Variants in PCDHGA3 observed in about 807,000 individuals in gnomAD.
PCDHGA3 encodes protocadherin gamma-A3.
A neutral mutation model predicts 58.5 loss-of-function variants in PCDHGA3; 40 were observed. The ratio of observed to expected loss-of-function variants is 0.68; its 90% CI spans 0.53 to 0.89. The LOEUF is 0.89. PCDHGA3 is among the 40% of genes least tolerant of loss of function. The pLI is 0.00. For missense variants in PCDHGA3, 1,223 were observed against 1,195.9 expected (o/e 1.02, Z -0.33); for synonymous variants, 530 against 525.7 (o/e 1.01, Z -0.11).
At chr5:141,382,317 GTAAA>G (rs1482634443) in intron 1 of PCDHGA3, among the ~76,000 whole-genome samples, 1 of 152,160 alleles carries the variant, frequency 6.6e-6, no homozygotes, top group Non-Finnish European at 1.5e-5. Flanking sequence ...ATACACTGAT[GTAAA>G]TATTTTCTAA....
At chr5:141,364,722 C>T in intron 1 of PCDHGA3, 1 of 1,613,884 alleles carries the variant, frequency 6.2e-7, no homozygotes, top group Non-Finnish European at 8.5e-7. Context: ...GATAACTTCC[C>T]GCGTTTCCGG....
At chr5:141,348,821 G>T (rs1026818776) in intron 1 of PCDHGA3, among the ~76,000 whole-genome samples, 1 of 152,144 alleles carries the variant, frequency 6.6e-6, no homozygotes, top group Non-Finnish European at 1.5e-5. Flanking sequence ...AGGCTGTTTC[G>T]AATAGAGTAT....
rs756094875 is a variant in PCDHGA3 at position 141,419,594 on chromosome 5, C to T, written c.2424+73137C>T. 2.6e-5 allele frequency: 42 copies of T among 1,611,572 alleles called. No homozygotes were observed. Among genetic ancestry groups the T allele is most frequent in the Admixed American group, 3.3e-5 (2 of 59,964 alleles). ...CGGCTCCGCGCTCTTCGACACAGTG[C>T]CGCGGGCCGCGCAGCCAGGCTACCT... On this transcript the variant is annotated intron_variant, in intron 1 of 3. Transcript: ENST00000253812.
intron 1 of PCDHGA3, chr5:141,388,316 G>A: frequency 6.2e-7 from 1 of 1,613,866 alleles, no homozygotes; most frequent in South Asian, 1.1e-5. Flanking sequence ...AAATAAGTGA[G>A]TCTGCACAGC....
intron 1 of PCDHGA3, chr5:141,408,661 G>T (rs1462103250): frequency 1.2e-6 from 2 of 1,613,888 alleles, no homozygotes; most frequent in Middle Eastern, 3.3e-4. Context: ...CACGACTATC[G>T]CTTGACCCTG....
At chr5:141,425,640 C>G (rs2096886863) in intron 1 of PCDHGA3, among the ~76,000 whole-genome samples, 1 of 152,206 alleles carries the variant, frequency 6.6e-6, no homozygotes, top group Non-Finnish European at 1.5e-5. Flanking sequence ...TCTGATAAAA[C>G]TAGGAGGAAA....
At chr5:141,423,734 T>C in intron 1 of PCDHGA3, 1 of 969,626 alleles carries the variant, frequency 1.0e-6, no homozygotes, top group Non-Finnish European at 1.3e-6. Flanking sequence ...TTTTTGAGCC[T>C]GTTATGAAAA....
chr5:141,451,095 T>G (rs1158753327), intron 1 of PCDHGA3, among the ~76,000 whole-genome samples: 2 of 152,180 alleles, frequency 1.3e-5, no homozygotes, highest in African/African-American at 4.8e-5. Context: ...CCCAAAGTGT[T>G]GGGATTACAG....
At chr5:141,466,213 C>G (rs2099118871) in intron 1 of PCDHGA3, among the ~76,000 whole-genome samples, 1 of 151,958 alleles carries the variant, frequency 6.6e-6, no homozygotes, top group South Asian at 2.1e-4. Flanking sequence ...CTCTGTTACC[C>G]AGGCTGGAGT....
chr5:141,422,263 C>T lies in PCDHGA3; in HGVS notation c.2425-72544C>T, dbSNP rs755271863. On this transcript the variant is annotated intron_variant, in intron 1 of 3. Transcript: ENST00000253812. ...TGTTGTGGATGTGAATGATAACGCT[C>T]CAGAAATAACTATCACCTCTTCTAT... is the stretch of plus-strand genomic sequence containing the variant. 1.0e-5 allele frequency: 16 copies of T among 1,563,686 alleles called. No individual in the cohort carries two copies. The South Asian group carries it at 1.7e-4, about 17-fold the overall frequency.
intron 1 of PCDHGA3, among the ~76,000 whole-genome samples, chr5:141,460,173 A>C (rs2098983888): frequency 6.6e-6 from 1 of 152,004 alleles, no homozygotes; most frequent in Admixed American, 6.6e-5. Flanking sequence ...TATTTTGTGG[A>C]TATTTTATCC....
chr5:141,428,886 G>T (rs1002869474), intron 1 of PCDHGA3: 3 of 149,710 alleles, frequency 2.0e-5, no homozygotes, highest in Non-Finnish European at 2.9e-5. Context: ...ACGGAGTCTC[G>T]CTCTGTGGTC....
chr5:141,370,997 C>T, intron 1 of PCDHGA3: 5 of 1,613,984 alleles, frequency 3.1e-6, no homozygotes, highest in Non-Finnish European at 4.2e-6. Context: ...CACCCCTGGA[C>T]AGGGAAGAGC....
intron 2 of PCDHGA3, among the ~76,000 whole-genome samples, chr5:141,496,392 C>T (rs6879760): frequency 0.064 from 9,762 of 152,240 alleles, 510 homozygotes; most frequent in African/African-American, 0.15. Context: ...CCTTACCCTA[C>T]CTCCTCAATG....
Position 141,485,434 on chromosome 5 carries a change from G to T in PCDHGA3, c.2425-9373G>T. The stretch of plus-strand genomic sequence containing the variant: ...TGGACAGCGGAGCCCTGCTCATCAA[G>T]AACCCAATCGACCGAGAGGCACTGT... On this transcript the variant is annotated intron_variant, in intron 1 of 3. Transcript: ENST00000253812. This position sits in a 1 kb window ranked among gnomAD's most constrained non-coding sequence, Gnocchi z 5.7. The T allele has an allele frequency of 6.2e-7, 1 of 1,614,166 alleles. No homozygotes were observed. The highest frequency in any genetic ancestry group is 1.6e-4 in the Middle Eastern group (1 of 6,062).
intron 1 of PCDHGA3, chr5:141,417,772 C>G: frequency 6.9e-7 from 1 of 1,456,320 alleles, no homozygotes; most frequent in East Asian, 2.5e-5. Context: ...GGGACTCCTC[C>G]TGTCCTGGGC....
chr5:141,364,627 C>A, intron 1 of PCDHGA3: 2 of 1,614,112 alleles, frequency 1.2e-6, no homozygotes, highest in South Asian at 1.1e-5. Context: ...GCGCTCAGAG[C>A]CCACTGTGTG....
rs1386791249 is a variant in PCDHGA3 at position 141,511,417 on chromosome 5, G to A, written c.*244G>A. 1.2e-6 allele frequency: 1 copy of A among 835,942 alleles called. No homozygotes were observed. Among genetic ancestry groups the A allele is most frequent in the African/African-American group, 1.7e-5 (1 of 58,154 alleles). The allele number at this position is 835,942 out of a possible 1,614,324, so 51.8% of individuals were successfully genotyped here. A position where few individuals can be genotyped will look rare whatever the true frequency, so the allele number is the denominator to read the frequency against. The stretch of plus-strand genomic sequence containing the variant: ...CCATCCAATCAACTGCTGTACCCAT[G>A]GGGGTAGTGGGGTTACTGTAGACAC... On this transcript the variant is annotated 3_prime_UTR_variant, in exon 4 of 4. Transcript: ENST00000253812.
At chr5:141,376,144 G>T (rs753001081) in intron 1 of PCDHGA3, 1 of 1,613,918 alleles carries the variant, frequency 6.2e-7, no homozygotes, top group Non-Finnish European at 8.5e-7. Flanking sequence ...CCAACGATTC[G>T]GACCTCACTC....
Sources: gnomAD v4.1 joint callset for allele counts (sites outside exome capture counted in the v4.1 genomes callset) on GRCh38, gnomAD v4.1.1 for gene constraint, Gnocchi (gnomAD v3.1) non-coding constraint, MANE v1.5 for transcripts, NCBI Gene and HGNC (gene_info 2026-07-23, HGNC 2026-07-21) for gene names.